The following HMCN2 variants were observed in gnomAD, a reference collection of about 807,000 sequenced individuals.
HMCN2 encodes the protein hemicentin 2.
HMCN2 carries 325 observed loss-of-function variants against 377.5 expected under a neutral mutation model. That is an observed-to-expected ratio of 0.86 (90% CI 0.79 to 0.94). The LOEUF (loss-of-function observed/expected upper bound fraction) is 0.94. Among genes scored for constraint, HMCN2 ranks in the 40% least tolerant of loss-of-function variants. HMCN2 has a pLI of 0.00. For missense variants in HMCN2, 4,543 were observed against 4,725.3 expected, an observed-to-expected ratio of 0.96 and a Z score of 1.13; for synonymous variants, 2,007 against 2,046.8, an observed-to-expected ratio of 0.98 and a Z score of 0.53.
At position 130,361,907 on chromosome 9, in the gene HMCN2, T is replaced by G. The variant is rs1588310822; in HGVS notation, c.5951-101T>G. The stretch of plus-strand genomic sequence containing the variant: ...GTCTGGATGGCTGTCCTTGTGCTTT[T>G]GCTGTGGCTGTGTGCTCCTGCAGGG... On this transcript the variant is annotated intron_variant, in intron 38 of 97. Coordinates refer to ENST00000683500, the MANE Select transcript of HMCN2 (RefSeq NM_001291815.2). The surrounding 1 kb of genome is among the most constrained non-coding windows in gnomAD (Gnocchi z 4.8). 2.6e-6 allele frequency: 2 copies of G among 771,556 alleles called. No homozygotes were observed. The highest frequency in any genetic ancestry group is 3.2e-6 in the Non-Finnish European group (2 of 634,504). 47.8% of individuals were successfully genotyped at this position (771,556 alleles called of 1,614,324 possible). A position where few individuals can be genotyped will look rare whatever the true frequency, so the allele number is the denominator to read the frequency against.
rs7849839 is a variant in HMCN2 at position 130,388,536 on chromosome 9, T to C, written c.9519T>C (p.Pro3173=). ...TCACTTGGCTGAAGGACAGGATGCCTGTGGGTGAGCACATCTGTCCTTGTC... is the reference window on the plus strand; with the variant it reads ...TCACTTGGCTGAAGGACAGGATGCCCGTGGGTGAGCACATCTGTCCTTGTC... The part of the protein sequence containing the change: ...PTVTWLKDRM[P]VESSAVHGVV... The change falls in exon 62 of 98, where the codon CCT becomes CCC. Residue 3173 remains proline, a synonymous_variant. Coordinates refer to ENST00000683500, the MANE Select transcript of HMCN2 (RefSeq NM_001291815.2). 0.98 allele frequency: 967,845 copies of C among 988,062 alleles called. 475,478 individuals are homozygous for C. The highest frequency in any genetic ancestry group is 1 in the Non-Finnish European group (826,251 of 830,144). 61.2% of individuals were successfully genotyped at this position (988,062 alleles called of 1,614,324 possible).
At chr9:130,336,401 A>G (rs1043021471) in intron 22 of HMCN2, among the ~76,000 whole-genome samples, 105,872 of 152,078 alleles carry the variant, frequency 0.7, 38,709 homozygotes, top group Middle Eastern at 0.83. Flanking sequence ...TTTGTTGAGG[A>G]CCTCTCTGTT....
intron 49 of HMCN2, among the ~76,000 whole-genome samples, chr9:130,375,239 C>G (rs911016117): frequency 5.9e-5 from 9 of 152,178 alleles, no homozygotes; most frequent in African/African-American, 9.7e-5. Context: ...AACTCCCACT[C>G]CCCCCTCAAA....
Position 130,352,927 on chromosome 9 carries a change from C to G in HMCN2, c.4586C>G (p.Ala1529Gly). 7.9e-7 allele frequency: 1 copy of G among 1,269,568 alleles called. No homozygotes were observed. Among genetic ancestry groups the G allele is most frequent in the Non-Finnish European group, 1.0e-6 (1 of 970,158 alleles). The allele number at this position is 1,269,568 out of a possible 1,614,324, so 78.6% of individuals were successfully genotyped here. A position where few individuals can be genotyped will look rare whatever the true frequency, so the allele number is the denominator to read the frequency against. Reference protein sequence around the residue: ...QARDFQLRVHAPPTIWGSNET... With the variant: ...QARDFQLRVHGPPTIWGSNET... ...CCAGCCCCACCTCTTTCCTTCTCAG[C>G]GCCCCCCACTATCTGGGGCTCCAAC... The change falls in exon 31 of 98, where the codon GCG becomes GGG. Residue 1529 changes from alanine to glycine, a missense_variant and splice_region_variant. This residue lies in a region of HMCN2 where 1,032 missense variants were observed against 1,285.1 expected (regional missense o/e 0.80). Coordinates refer to ENST00000683500, the MANE Select transcript of HMCN2 (RefSeq NM_001291815.2).
At chr9:130,340,194 C>T (rs1433237950) in intron 23 of HMCN2, among the ~76,000 whole-genome samples, 4 of 152,338 alleles carry the variant, frequency 2.6e-5, no homozygotes, top group East Asian at 1.9e-4. Flanking sequence ...TGTGAAAGAA[C>T]GGGAAGCCAC....
intron 23 of HMCN2, among the ~76,000 whole-genome samples, chr9:130,339,894 TTGTCCCAG>T (rs1838958075): frequency 6.6e-6 from 1 of 152,148 alleles, no homozygotes; most frequent in Non-Finnish European, 1.5e-5. Context: ...TCCAGGACAC[TTGTCCCAG>T]TGTCCCATGC....
intron 86 of HMCN2, among the ~76,000 whole-genome samples, chr9:130,420,495 C>CA (rs1399932592): frequency 1.3e-5 from 2 of 152,136 alleles, no homozygotes; most frequent in Non-Finnish European, 2.9e-5. Flanking sequence ...CAAAACAAAA[C>CA]AAAACACCAC....
At position 130,294,863 on chromosome 9, in the gene HMCN2, G is replaced by A; in HGVS notation, c.621G>A (p.Lys207=). 2.2e-6 allele frequency: 1 copy of A among 453,364 alleles called. No individual in the cohort carries two copies. Among genetic ancestry groups the A allele is most frequent in the Non-Finnish European group, 4.6e-6 (1 of 217,376 alleles). 28.1% of individuals were successfully genotyped at this position (453,364 alleles called of 1,614,324 possible). Residue 207 remains lysine (K), a synonymous_variant, in exon 5 of 98, where the codon AAG becomes AAA. Coordinates refer to ENST00000683500, the MANE Select transcript of HMCN2 (RefSeq NM_001291815.2). ...LDKQQVTEVL[K]WVESAIQASK... ...CTCATACTTGCCTCCAGGTGCTGAAGTGGGTGGAGTCAGCGATCCAGGCCT... is the reference window on the plus strand; with the variant it reads ...CTCATACTTGCCTCCAGGTGCTGAAATGGGTGGAGTCAGCGATCCAGGCCT...
chr9:130,322,613 C>A (rs1481372674), intron 19 of HMCN2, among the ~76,000 whole-genome samples: 2 of 152,200 alleles, frequency 1.3e-5, no homozygotes, highest in Admixed American at 1.3e-4. Flanking sequence ...CCCCCACACC[C>A]CGGGTATGAA....
chr9:130,426,760 A>AT (rs71387349), intron 90 of HMCN2, among the ~76,000 whole-genome samples: 25,554 of 143,546 alleles, frequency 0.18, 2,382 homozygotes, highest in Non-Finnish European at 0.22. Flanking sequence ...ATTTTTTGTG[A>AT]TTTTTTTTTT....
chr9:130,313,763 ATG>A (rs1158236815), intron 15 of HMCN2, among the ~76,000 whole-genome samples: 1 of 145,882 alleles, frequency 6.9e-6, no homozygotes, highest in Non-Finnish European at 1.5e-5. Context: ...CTCTAAATGA[ATG>A]TGTGTCCTCT....
chr9:130,295,608 G>A (rs1319413292), intron 5 of HMCN2, 58 bp from the exon 6 acceptor site: 1 of 444,332 alleles, frequency 2.3e-6, no homozygotes, highest in African/African-American at 2.0e-5. Flanking sequence ...AGACATGCGG[G>A]GCTCCTGCCA....
chr9:130,330,128 C>T (rs1031295817), intron 22 of HMCN2, among the ~76,000 whole-genome samples: 1 of 151,814 alleles, frequency 6.6e-6, no homozygotes, highest in African/African-American at 2.4e-5. Flanking sequence ...CTTCTGAAAA[C>T]GGAGCACTTA....
chr9:130,368,173 C>A, intron 43 of HMCN2, 103 bp from the exon 44 acceptor site: 1 of 645,162 alleles, frequency 1.5e-6, no homozygotes, highest in Non-Finnish European at 1.9e-6. Context: ...GAAGGATGAG[C>A]AGGAATTGGC....
At chr9:130,374,801 C>A in intron 49 of HMCN2, 108 bp downstream of exon 49, 7 of 439,868 alleles carry the variant, frequency 1.6e-5, no homozygotes, top group Non-Finnish European at 2.1e-5. Flanking sequence ...TATTTTTCTT[C>A]TAATTCTCCG....
chr9:130,413,402 TC>T (rs1843523852), intron 85 of HMCN2, among the ~76,000 whole-genome samples: 1 of 152,194 alleles, frequency 6.6e-6, no homozygotes. Context: ...GGATGCCCTT[TC>T]TCAGGCTGAG....
At position 130,391,001 on chromosome 9, in the gene HMCN2, T is replaced by C. The variant is rs2131672430; in HGVS notation, c.9548T>C (p.Val3183Ala). The C allele has an allele frequency of 1.0e-6, 1 of 986,700 alleles. No homozygotes were observed. Among genetic ancestry groups the C allele is most frequent in the Non-Finnish European group, 1.2e-6 (1 of 830,030 alleles). The allele number at this position is 986,700 out of a possible 1,614,324, so 61.1% of individuals were successfully genotyped here. A position where few individuals can be genotyped will look rare whatever the true frequency, so the allele number is the denominator to read the frequency against. Reference sequence around the variant, plus strand: ...GAGAGCAGCGCGGTGCACGGTGTGGTCTCCCGGGGGGGCCGCCTCCAGCTG... The same window carrying C: ...GAGAGCAGCGCGGTGCACGGTGTGGCCTCCCGGGGGGGCCGCCTCCAGCTG... The part of the protein sequence containing the change: ...PVESSAVHGV[V>A]SRGGRLQLSR... The change falls in exon 63 of 98, where the codon GTC (valine) becomes GCC (alanine). Residue 3183 changes from valine to alanine, a missense_variant. This residue lies in a region of HMCN2 where 736 missense variants were observed against 773.2 expected (regional missense o/e 0.95). Coordinates refer to ENST00000683500, the MANE Select transcript of HMCN2 (RefSeq NM_001291815.2).
In HMCN2 at chr9:130,363,497, G is replaced by A. The variant is rs1840497125; in HGVS notation, c.6232+507G>A. On this transcript the variant is annotated intron_variant, in intron 40 of 97. Transcript: ENST00000683500. The stretch of plus-strand genomic sequence containing the variant: ...GCTTATTTTTAAATGTCCTCCTCTG[G>A]GTTTTTCTGGGGCTCTGTGGAGGTA... Among the ~76,000 whole-genome samples, 5 of 152,082 alleles carry A rather than the reference G, an allele frequency of 3.3e-5. No homozygotes were observed. The South Asian group carries it at 1.0e-3, about 32-fold the overall frequency.
chr9:130,337,444 GA>G (rs1216737683), intron 22 of HMCN2, among the ~76,000 whole-genome samples: 2 of 152,144 alleles, frequency 1.3e-5, no homozygotes, highest in African/African-American at 2.4e-5. Flanking sequence ...TGTGGCAGAG[GA>G]GGGGGAGTTG....
Sources: gnomAD v4.1 joint callset for allele counts (sites outside exome capture counted in the v4.1 genomes callset) on GRCh38, gnomAD v4.1.1 for gene constraint, gnomAD v4.1.1 regional missense constraint, Gnocchi (gnomAD v3.1) non-coding constraint, MANE v1.5 for transcripts, NCBI Gene and HGNC (gene_info 2026-07-23, HGNC 2026-07-21) for gene names.